The following PRDM16 variants were observed in gnomAD, a reference collection of about 807,000 sequenced individuals.
PRDM16 encodes PR/SET domain 16.
In PRDM16, 23 loss-of-function variants were observed where a neutral mutation model predicts 110.6. The observed-to-expected ratio is 0.21, with a 90% confidence interval of 0.15 to 0.29. PRDM16 has a LOEUF of 0.29. Among genes scored for constraint, PRDM16 ranks in the 10% least tolerant of loss-of-function variants. PRDM16 has a pLI of 1.00. For synonymous variants in PRDM16, 799 were observed against 781.8 expected, an observed-to-expected ratio of 1.02 and a Z score of -0.37; for missense variants, 1,615 against 1,794.3, an observed-to-expected ratio of 0.90 and a Z score of 1.81.
intron 1 of PRDM16, among the ~76,000 whole-genome samples, chr1:3,127,516 C>G (rs529729958): frequency 6.6e-6 from 1 of 152,204 alleles, no homozygotes; most frequent in Non-Finnish European, 1.5e-5. Flanking sequence ...CTAGCTTCCC[C>G]GGGCACTTGG....
rs1347350089 is a variant in PRDM16, at chr1:3,069,511, C to G, written c.37+215C>G. Among the ~76,000 whole-genome samples the G allele has an allele frequency of 6.8e-6, 1 of 147,326 alleles. No homozygotes were observed. The highest frequency in any genetic ancestry group is 2.5e-5 in the African/African-American group (1 of 40,680). The stretch of plus-strand genomic sequence containing the variant: ...CGGGGCGCCCGGGCCGCGCGCTCCC[C>G]GAAGGCGCCGGCCCCCTCCCCGCGG... On this transcript the variant is annotated intron_variant, in intron 1 of 16. Coordinates refer to ENST00000270722, the MANE Select transcript of PRDM16 (RefSeq NM_022114.4). The surrounding 1 kb of genome is among the most constrained non-coding windows in gnomAD (Gnocchi z 6.1).
intron 3 of PRDM16, among the ~76,000 whole-genome samples, chr1:3,270,399 CAGG>C (rs1640416677): frequency 2.1e-5 from 3 of 144,034 alleles, no homozygotes; most frequent in African/African-American, 7.9e-5. Context: ...GGAGGACAGT[CAGG>C]AGGAGGACAG....
chr1:3,189,805 G>T (rs764310321), intron 2 of PRDM16, among the ~76,000 whole-genome samples: 1 of 152,176 alleles, frequency 6.6e-6, no homozygotes, highest in Non-Finnish European at 1.5e-5. Flanking sequence ...ATCTCACCAG[G>T]CAGCAGCCCC....
chr1:3,197,698 G>A (rs540109861), intron 2 of PRDM16, among the ~76,000 whole-genome samples: 1 of 152,290 alleles, frequency 6.6e-6, no homozygotes, highest in Non-Finnish European at 1.5e-5. Flanking sequence ...GGTGGGGAGG[G>A]CGGCCCCTCC....
At chr1:3,292,397 C>T (rs1035829068) in intron 3 of PRDM16, among the ~76,000 whole-genome samples, 1 of 152,310 alleles carries the variant, frequency 6.6e-6, no homozygotes, top group East Asian at 1.9e-4. Context: ...TTTGATCCTC[C>T]GCCCAGTGTC....
intron 1 of PRDM16, among the ~76,000 whole-genome samples, chr1:3,182,775 G>A (rs760819359): frequency 2.6e-5 from 4 of 152,146 alleles, no homozygotes; most frequent in Non-Finnish European, 5.9e-5. Flanking sequence ...AAGACTCAAA[G>A]CAGGGCCTCT....
chr1:3,282,781 G>A (rs1640738002), intron 3 of PRDM16, among the ~76,000 whole-genome samples: 1 of 152,162 alleles, frequency 6.6e-6, no homozygotes, highest in African/African-American at 2.4e-5. Flanking sequence ...TCCGTCTGAA[G>A]CCTGGCGAAC....
chr1:3,407,531 G>A (rs1030623951), intron 8 of PRDM16, among the ~76,000 whole-genome samples: 3 of 152,176 alleles, frequency 2.0e-5, no homozygotes, highest in African/African-American at 7.2e-5. Context: ...TGGGGCGGGG[G>A]GTGACTGCTC....
At chr1:3,432,386 C>T (rs932900977) in intron 16 of PRDM16, among the ~76,000 whole-genome samples, 4 of 152,224 alleles carry the variant, frequency 2.6e-5, no homozygotes, top group African/African-American at 7.2e-5. Flanking sequence ...CTCATGGACA[C>T]GGGCAGCTCA....
intron 3 of PRDM16, among the ~76,000 whole-genome samples, chr1:3,354,893 G>A (rs1054242435): frequency 2.6e-5 from 4 of 152,130 alleles, no homozygotes; most frequent in African/African-American, 4.8e-5. Flanking sequence ...AGGCAGGACC[G>A]GGCCGCACCA....
chr1:3,245,060 G>A lies in PRDM16; in HGVS notation c.438+923G>A, dbSNP rs1445398189. On this transcript the variant is annotated intron_variant, in intron 3 of 16. Coordinates refer to ENST00000270722, the MANE Select transcript of PRDM16 (RefSeq NM_022114.4). This position sits in a 1 kb window ranked among gnomAD's most constrained non-coding sequence, Gnocchi z 4.7. Reference sequence around the variant, plus strand: ...TACACATCCCCACCCAGACAGCATCGCAGGGGGCGGGGTGGGGCGGGGTGC... The same window carrying A: ...TACACATCCCCACCCAGACAGCATCACAGGGGGCGGGGTGGGGCGGGGTGC... Among the ~76,000 whole-genome samples, 2 of 152,154 alleles carry A rather than the reference G, an allele frequency of 1.3e-5. No homozygotes were observed. Among genetic ancestry groups the A allele is most frequent in the South Asian group, 2.1e-4 (1 of 4,828 alleles).
chr1:3,316,816 G>A (rs1213186443), intron 3 of PRDM16, among the ~76,000 whole-genome samples: 3 of 152,190 alleles, frequency 2.0e-5, no homozygotes, highest in East Asian at 3.8e-4. Flanking sequence ...GTGACACAGG[G>A]TAGACAGGAA....
At chr1:3,185,494 G>A (rs1013985358) in intron 1 of PRDM16, among the ~76,000 whole-genome samples, 1 of 152,146 alleles carries the variant, frequency 6.6e-6, no homozygotes, top group African/African-American at 2.4e-5. Flanking sequence ...GTGCAGGGAT[G>A]TCCAGGCTGC....
intron 3 of PRDM16, among the ~76,000 whole-genome samples, chr1:3,373,711 G>C (rs1642945326): frequency 6.6e-6 from 1 of 152,192 alleles, no homozygotes; most frequent in Non-Finnish European, 1.5e-5. Context: ...AGTTCTAGCA[G>C]CCTGGCCCCG....
rs1222133990 is a variant in PRDM16 at position 3,405,663 on chromosome 1, A to AGCCTG, written c.1186+19_1186+23dup. The AGCCTG allele has an allele frequency of 6.4e-7, 1 of 1,554,694 alleles. No homozygotes were observed. The highest frequency in any genetic ancestry group is 1.4e-5 in the African/African-American group (1 of 72,076). On this transcript the variant is annotated intron_variant, in intron 8 of 16. Transcript: ENST00000270722. ...GCCTTTCATATGTGAGTGGTCGCCC[A>AGCCTG]GCCTGGCCGCCTGCCCTCCGGGTGC...
At chr1:3,216,823 G>T (rs1375449145) in intron 2 of PRDM16, among the ~76,000 whole-genome samples, 2 of 152,242 alleles carry the variant, frequency 1.3e-5, no homozygotes, top group African/African-American at 4.8e-5. Flanking sequence ...GAGGGGACAG[G>T]TTCCTGTAGC....
rs904974728 is a variant in PRDM16, at chr1:3,429,132, C to T, written c.3285-1740C>T. The stretch of plus-strand genomic sequence containing the variant: ...AGAGAGACCAGGGACAGATTCTCCC[C>T]CAGAGTCTTGGAAGGAACCCGGCCT... On this transcript the variant is annotated intron_variant, in intron 14 of 16. Coordinates refer to ENST00000270722, the MANE Select transcript of PRDM16 (RefSeq NM_022114.4). Among the ~76,000 whole-genome samples the T allele has an allele frequency of 4.9e-3, 743 of 152,334 alleles. 6 individuals are homozygous for T. The highest frequency in any genetic ancestry group is 0.017 in the African/African-American group (725 of 41,570).
intron 3 of PRDM16, among the ~76,000 whole-genome samples, chr1:3,364,590 C>CTGGGCTCCTGCACG (rs1356749738): frequency 2.0e-5 from 3 of 152,178 alleles, no homozygotes; most frequent in Non-Finnish European, 4.4e-5. Context: ...AGTAATGACC[C>CTGGGCTCCTGCACG]TGGGCTCCTG....
rs370432632 is a variant in PRDM16 at position 3,385,135 on chromosome 1, C to T, written c.439-17C>T. On this transcript the variant is annotated splice_polypyrimidine_tract_variant and intron_variant, in intron 3 of 16. Coordinates refer to ENST00000270722, the MANE Select transcript of PRDM16 (RefSeq NM_022114.4). ...CACAGGGCACCTCTGACTCCCGCTTCGCTTTCCTCCCAGCAGATCTCCGAA... is the reference window on the plus strand; with the variant it reads ...CACAGGGCACCTCTGACTCCCGCTTTGCTTTCCTCCCAGCAGATCTCCGAA... The T allele has an allele frequency of 4.2e-5, 68 of 1,613,020 alleles. No individual in the cohort carries two copies. In the African/African-American group the frequency reaches 4.3e-4, roughly 10 times the overall value.
Sources: gnomAD v4.1 joint callset for allele counts (sites outside exome capture counted in the v4.1 genomes callset) on GRCh38, gnomAD v4.1.1 for gene constraint, Gnocchi (gnomAD v3.1) non-coding constraint, MANE v1.5 for transcripts, NCBI Gene and HGNC (gene_info 2026-07-23, HGNC 2026-07-21) for gene names.